Variants in SRD5A3 observed in about 807,000 individuals in gnomAD.
SRD5A3 encodes polyprenal reductase.
A neutral mutation model predicts 34.3 loss-of-function variants in SRD5A3; 24 were observed. The ratio of observed to expected loss-of-function variants is 0.70; its 90% CI spans 0.51 to 0.99. The LOEUF (loss-of-function observed/expected upper bound fraction) is 0.99, where lower values mean the gene tolerates loss of function less well. Among genes scored for constraint, SRD5A3 ranks in the 50% least tolerant of loss-of-function variants. The pLI is 0.00. For missense variants in SRD5A3, 350 were observed against 388.2 expected, an observed-to-expected ratio of 0.90 and a Z score of 0.83; for synonymous variants, 161 against 167.3, an observed-to-expected ratio of 0.96 and a Z score of 0.29.
chr4:55,367,462 A>G, intron 3 of SRD5A3, 126 bp from the exon 4 acceptor site: 1 of 1,149,034 alleles, frequency 8.7e-7, no homozygotes. Flanking sequence ...TGTACTTGGG[A>G]AATTATATTA....
chr4:55,359,169 T>C, intron 1 of SRD5A3, 177 bp from the exon 2 acceptor site: 2 of 807,348 alleles, frequency 2.5e-6, no homozygotes, highest in Non-Finnish European at 3.9e-6. Context: ...GTCCCGTTAT[T>C]TGAAAGGAAA....
At chr4:55,349,194 C>T (rs1314552942) in intron 1 of SRD5A3, among the ~76,000 whole-genome samples, 1 of 152,128 alleles carries the variant, frequency 6.6e-6, no homozygotes, top group Non-Finnish European at 1.5e-5. Context: ...ACCACCATGC[C>T]TGGCTAATTT....
intron 3 of SRD5A3, among the ~76,000 whole-genome samples, chr4:55,365,339 G>T (rs1405298988): frequency 6.6e-6 from 1 of 152,168 alleles, no homozygotes; most frequent in Non-Finnish European, 1.5e-5. Context: ...CTCAACCTAA[G>T]GCCTCTGACT....
intron 1 of SRD5A3, among the ~76,000 whole-genome samples, chr4:55,353,460 A>G (rs1719278524): frequency 6.6e-6 from 1 of 152,216 alleles, no homozygotes; most frequent in Non-Finnish European, 1.5e-5. Context: ...AAAATGGACC[A>G]ATCAGCAGGA....
In SRD5A3 at chr4:55,346,429, G is replaced by A; in HGVS notation, c.93G>A (p.Leu31=). ...TLTAAFLLTL[L]LQLLPPGLLP... ...CCGCCGCCTTCCTGCTGACCCTACT[G>A]CTGCAGCTCCTGCCGCCCGGCCTGC... Residue 31 remains leucine, a synonymous_variant, in exon 1 of 5, where the codon CTG becomes CTA. Coordinates refer to ENST00000264228, the MANE Select transcript of SRD5A3 (RefSeq NM_024592.5). 2 of 1,603,970 alleles carry A rather than the reference G, an allele frequency of 1.2e-6. No homozygotes were observed. Among genetic ancestry groups the A allele is most frequent in the Non-Finnish European group, 1.7e-6 (2 of 1,176,204 alleles).
chr4:55,372,073 T>G lies in SRD5A3; in HGVS notation c.*1982T>G, dbSNP rs564467298. On this transcript the variant is annotated 3_prime_UTR_variant, in exon 5 of 5. Coordinates refer to ENST00000264228, the MANE Select transcript of SRD5A3 (RefSeq NM_024592.5). Reference sequence around the variant, plus strand: ...CAGTCTACTTAAATAAATGCCATATTTATTTTACTTATCATTTAGAATTTG... The same window carrying G: ...CAGTCTACTTAAATAAATGCCATATGTATTTTACTTATCATTTAGAATTTG... 6.6e-6 allele frequency: 1 copy of G among 152,346 alleles called. No individual in the cohort carries two copies. Among genetic ancestry groups the G allele is most frequent in the African/African-American group, 2.4e-5 (1 of 41,568 alleles). 9.4% of individuals were successfully genotyped at this position (152,346 alleles called of 1,614,324 possible).
chr4:55,371,397 T>G lies in SRD5A3; in HGVS notation c.*1306T>G, dbSNP rs1055491408. The G allele has an allele frequency of 1.3e-5, 2 of 152,230 alleles. No individual in the cohort carries two copies. The highest frequency in any genetic ancestry group is 4.8e-5 in the African/African-American group (2 of 41,462). The allele number at this position is 152,230 out of a possible 1,614,324, so 9.4% of individuals were successfully genotyped here. A position where few individuals can be genotyped will look rare whatever the true frequency, so the allele number is the denominator to read the frequency against. Reference sequence around the variant, plus strand: ...ACCAAAAACTTAAAAAATAATACTATAGCCTGAGCAACACATTAAAACTGC... The same window carrying G: ...ACCAAAAACTTAAAAAATAATACTAGAGCCTGAGCAACACATTAAAACTGC... On this transcript the variant is annotated 3_prime_UTR_variant, in exon 5 of 5. Coordinates refer to ENST00000264228, the MANE Select transcript of SRD5A3 (RefSeq NM_024592.5).
intron 3 of SRD5A3, 52 bp from the exon 4 acceptor site, chr4:55,367,536 C>T: frequency 3.7e-6 from 6 of 1,603,706 alleles, no homozygotes; most frequent in Non-Finnish European, 5.1e-6. Flanking sequence ...TTGTTTAATT[C>T]CCTGAGCCTG....
rs528995370 is a variant in SRD5A3 at position 55,370,998 on chromosome 4, A to ATC, written c.*908_*909dup. ...CACAAAGATCTCCAGTTAAATAACT[A>ATC]TCAATATCCATTTCCATTCATCTCC... On this transcript the variant is annotated 3_prime_UTR_variant, in exon 5 of 5. Coordinates refer to ENST00000264228, the MANE Select transcript of SRD5A3 (RefSeq NM_024592.5). 49 of 152,362 alleles carry ATC rather than the reference A, an allele frequency of 3.2e-4. No homozygotes were observed. The highest frequency in any genetic ancestry group is 1.1e-3 in the African/African-American group (47 of 41,594). The allele number at this position is 152,362 out of a possible 1,614,324, so 9.4% of individuals were successfully genotyped here.
rs1325803438 is a variant in SRD5A3, at chr4:55,369,200, T to C, written c.698-632T>C. On this transcript the variant is annotated intron_variant, in intron 4 of 4. Transcript: ENST00000264228. ...AGGCACAAAGAGGTTAAGCAACTTA[T>C]CTAAAGTTACACAGCTAGTAAGTGG... 4.6e-5 allele frequency among the ~76,000 whole-genome samples: 7 copies of C among 152,194 alleles called. 1 individual carries two copies. The South Asian group carries it at 1.2e-3, about 27-fold the overall frequency.
chr4:55,350,665 ATT>A (rs1189863965), intron 1 of SRD5A3, among the ~76,000 whole-genome samples: 2 of 152,174 alleles, frequency 1.3e-5, no homozygotes, highest in South Asian at 2.1e-4. Flanking sequence ...ACACTCTATT[ATT>A]AAGTATATGC....
intron 2 of SRD5A3, among the ~76,000 whole-genome samples, chr4:55,362,310 TAG>T (rs1719715306): frequency 6.6e-6 from 1 of 152,038 alleles, no homozygotes; most frequent in African/African-American, 2.4e-5. Flanking sequence ...GTATTTTTAG[TAG>T]AGACAGGGTT....
chr4:55,352,310 T>C (rs1719225176), intron 1 of SRD5A3: 3 of 799,534 alleles, frequency 3.8e-6, no homozygotes, highest in South Asian at 1.3e-5. Context: ...TTTCTTTCTT[T>C]TTAGGTTTTA....
intron 1 of SRD5A3, among the ~76,000 whole-genome samples, chr4:55,352,954 T>A (rs1198468026): frequency 1.3e-5 from 2 of 152,174 alleles, no homozygotes; most frequent in East Asian, 3.9e-4. Flanking sequence ...GGGGAAACAG[T>A]AGCTCGCCAG....
At chr4:55,369,759 A>G in intron 4 of SRD5A3, 73 bp from the exon 5 acceptor site, 1 of 1,542,668 alleles carries the variant, frequency 6.5e-7, no homozygotes, top group South Asian at 1.2e-5. Context: ...TCTGTAAATG[A>G]TTTGCGAGTG....
rs2109457544 is a variant in SRD5A3, at chr4:55,347,057, G to GT, written c.221+501dup. 2.0e-5 allele frequency among the ~76,000 whole-genome samples: 3 copies of GT among 152,348 alleles called. No homozygotes were observed. In the South Asian group the frequency reaches 6.2e-4, roughly 32 times the overall value. ...CCCGTTTCTCTTCCCAACCCTTGCAGTGGGGACAAAGGACTGAGTCGCCCT... is the reference window on the plus strand; with the variant it reads ...CCCGTTTCTCTTCCCAACCCTTGCAGTTGGGGACAAAGGACTGAGTCGCCCT... On this transcript the variant is annotated intron_variant, in intron 1 of 4. Transcript: ENST00000264228.
intron 1 of SRD5A3, among the ~76,000 whole-genome samples, chr4:55,355,692 G>A (rs73149749): frequency 0.021 from 3,230 of 152,222 alleles, 120 homozygotes; most frequent in African/African-American, 0.074. Flanking sequence ...GTTCAGGCAC[G>A]CCTAGGTTGC....
At chr4:55,364,341 G>T (rs1182456033) in intron 3 of SRD5A3, 70 bp downstream of exon 3, 11 of 1,522,658 alleles carry the variant, frequency 7.2e-6, no homozygotes, top group Middle Eastern at 2.1e-4. Context: ...GGCTTGTGCT[G>T]TGCTAAGCAT....
At chr4:55,350,336 C>T (rs1719143554) in intron 1 of SRD5A3, among the ~76,000 whole-genome samples, 1 of 152,168 alleles carries the variant, frequency 6.6e-6, no homozygotes, top group Non-Finnish European at 1.5e-5. Flanking sequence ...CGCCACTGCA[C>T]TCCAGCCTGG....
Sources: gnomAD v4.1 joint callset for allele counts (sites outside exome capture counted in the v4.1 genomes callset) on GRCh38, gnomAD v4.1.1 for gene constraint, MANE v1.5 for transcripts, NCBI Gene and HGNC (gene_info 2026-07-23, HGNC 2026-07-21) for gene names.